The following DCC variants were observed in gnomAD, a reference collection of about 807,000 sequenced individuals.
DCC encodes netrin receptor DCC.
Under a neutral mutation model 172.5 loss-of-function variants are expected in DCC, and 58 were observed. That is an observed-to-expected ratio of 0.34 (90% CI 0.27 to 0.42). The LOEUF (loss-of-function observed/expected upper bound fraction) is 0.42. DCC is among the 10% of genes least tolerant of loss of function. The pLI is 1.00. For synonymous variants in DCC, 709 were observed against 644.5 expected, an observed-to-expected ratio of 1.10 and a Z score of -1.52; for missense variants, 1,740 against 1,791.0, an observed-to-expected ratio of 0.97 and a Z score of 0.51.
intron 14 of DCC, among the ~76,000 whole-genome samples, chr18:53,323,875 A>G (rs2057438462): frequency 6.6e-6 from 1 of 152,166 alleles, no homozygotes; most frequent in Non-Finnish European, 1.5e-5. Context: ...CTGTTTGGGG[A>G]CTGAAAAAGG....
chr18:53,499,415 C>A lies in DCC; in HGVS notation c.4016C>A (p.Thr1339Asn), dbSNP rs1190308230. 6.2e-7 allele frequency: 1 copy of A among 1,614,032 alleles called. No individual in the cohort carries two copies. Among genetic ancestry groups the A allele is most frequent in the Non-Finnish European group, 8.5e-7 (1 of 1,180,032 alleles). The change falls in exon 27 of 29, where the codon ACT becomes AAT. Residue 1339 changes from threonine to asparagine, a missense_variant. Coordinates refer to ENST00000442544, the MANE Select transcript of DCC (RefSeq NM_005215.4). The part of the protein sequence containing the change: ...RTIPTACVRP[T>N]HPLRSFANPL... Reference sequence around the variant, plus strand: ...ATCCCCACAGCTTGTGTTCGACCAACTCACCCACTCCGCAGCTTTGCTAAT... The same window carrying A: ...ATCCCCACAGCTTGTGTTCGACCAAATCACCCACTCCGCAGCTTTGCTAAT...
chr18:52,737,358 A>G (rs1055967458), intron 1 of DCC, among the ~76,000 whole-genome samples: 1 of 152,086 alleles, frequency 6.6e-6, no homozygotes, highest in Admixed American at 6.6e-5. Flanking sequence ...TTTAAAGCCA[A>G]TGAAAAAAAC....
chr18:52,479,470 A>AT (rs1442318036), intron 1 of DCC, among the ~76,000 whole-genome samples: 2 of 151,944 alleles, frequency 1.3e-5, no homozygotes, highest in African/African-American at 2.4e-5. Context: ...TCTTTGGACA[A>AT]TTAAAGCTAC....
chr18:53,512,006 G>A (rs1439416098), intron 27 of DCC, among the ~76,000 whole-genome samples: 1 of 152,170 alleles, frequency 6.6e-6, no homozygotes, highest in African/African-American at 2.4e-5. Flanking sequence ...CTCCACCTCT[G>A]GGGGCAGGGC....
intron 25 of DCC, among the ~76,000 whole-genome samples, chr18:53,474,396 T>C (rs906549225): frequency 6.6e-6 from 1 of 152,136 alleles, no homozygotes; most frequent in Non-Finnish European, 1.5e-5. Flanking sequence ...ATCAGTAAAA[T>C]AATCCATGGG....
At chr18:53,383,665 C>T (rs781550674) in intron 15 of DCC, among the ~76,000 whole-genome samples, 34 of 151,382 alleles carry the variant, frequency 2.2e-4, no homozygotes, top group Non-Finnish European at 3.2e-4. Context: ...TTATTGCTAC[C>T]GAGTCCAGGT....
intron 1 of DCC, among the ~76,000 whole-genome samples, chr18:52,641,273 A>G (rs1158729591): frequency 6.6e-6 from 1 of 152,212 alleles, no homozygotes; most frequent in Non-Finnish European, 1.5e-5. Context: ...ATAAGACAAC[A>G]TTGGAAAACC....
At chr18:52,751,275 A>G (rs542446372) in intron 1 of DCC, among the ~76,000 whole-genome samples, 1 of 152,364 alleles carries the variant, frequency 6.6e-6, no homozygotes, top group East Asian at 1.9e-4. Flanking sequence ...CAAATGCTAT[A>G]CTGCCAGCTT....
At chr18:53,240,407 T>C (rs1237562028) in intron 12 of DCC, among the ~76,000 whole-genome samples, 2 of 152,146 alleles carry the variant, frequency 1.3e-5, no homozygotes, top group Non-Finnish European at 2.9e-5. Context: ...ATAGTTACAA[T>C]AAATTTTATA....
At chr18:53,151,623 A>G (rs912743369) in intron 7 of DCC, among the ~76,000 whole-genome samples, 2 of 151,920 alleles carry the variant, frequency 1.3e-5, no homozygotes, top group African/African-American at 2.4e-5. Flanking sequence ...AAAGCATACA[A>G]TGTTATCTGG....
chr18:52,540,835 T>C (rs942924208), intron 1 of DCC, among the ~76,000 whole-genome samples: 2 of 152,032 alleles, frequency 1.3e-5, no homozygotes, highest in Non-Finnish European at 2.9e-5. Flanking sequence ...CTTGATCTCC[T>C]GACTTCGTGA....
intron 1 of DCC, among the ~76,000 whole-genome samples, chr18:52,516,700 T>G (rs1197593425): frequency 6.6e-6 from 1 of 152,262 alleles, no homozygotes; most frequent in Middle Eastern, 3.2e-3. Context: ...AAGGTCATTA[T>G]TGCCTTATTA....
rs533777896 is a variant in DCC at position 52,361,280 on chromosome 18, T to C, written c.91+20402T>C. On this transcript the variant is annotated intron_variant, in intron 1 of 28. Transcript: ENST00000442544. Reference sequence around the variant, plus strand: ...CAGAATAAACCACAATTTATTTGTTTTGTTCAGTCTTTTTTGTCTCTTTCT... The same window carrying C: ...CAGAATAAACCACAATTTATTTGTTCTGTTCAGTCTTTTTTGTCTCTTTCT... Among the ~76,000 whole-genome samples the C allele has an allele frequency of 6.1e-4, 93 of 152,378 alleles. 1 individual carries two copies. The highest frequency in any genetic ancestry group is 2.1e-3 in the African/African-American group (87 of 41,592).
chr18:52,917,731 C>T (rs2040062498), intron 3 of DCC, among the ~76,000 whole-genome samples: 1 of 152,144 alleles, frequency 6.6e-6, no homozygotes, highest in East Asian at 1.9e-4. Context: ...TTCCATACCA[C>T]CCTCTTGCTG....
In DCC at chr18:52,511,421, T is replaced by A. The variant is rs529279602; in HGVS notation, c.91+170543T>A. 2.0e-5 allele frequency among the ~76,000 whole-genome samples: 3 copies of A among 152,298 alleles called. No individual in the cohort carries two copies. In the South Asian group the frequency reaches 6.2e-4, roughly 32 times the overall value. ...TAGTCTCTCATTTAGTATTAATGCA[T>A]GTACCTCTTCGACGTGGAAAGGAAA... On this transcript the variant is annotated intron_variant, in intron 1 of 28. Coordinates refer to ENST00000442544, the MANE Select transcript of DCC (RefSeq NM_005215.4).
At chr18:52,920,820 C>T (rs2040113310) in intron 3 of DCC, among the ~76,000 whole-genome samples, 1 of 151,972 alleles carries the variant, frequency 6.6e-6, no homozygotes. Flanking sequence ...TACATCTAGA[C>T]AATGGATTAT....
chr18:52,684,125 A>G (rs1179738935), intron 1 of DCC, among the ~76,000 whole-genome samples: 1 of 152,118 alleles, frequency 6.6e-6, no homozygotes, highest in Non-Finnish European at 1.5e-5. Flanking sequence ...GTGTTCTTCC[A>G]ATTACCTCTG....
At chr18:53,209,819 A>G (rs2144563999) in intron 11 of DCC, among the ~76,000 whole-genome samples, 1 of 152,306 alleles carries the variant, frequency 6.6e-6, no homozygotes, top group Non-Finnish European at 1.5e-5. Flanking sequence ...GATTTCATTC[A>G]CTCTGAACTG....
At chr18:52,962,197 A>G (rs2040853226) in intron 5 of DCC, among the ~76,000 whole-genome samples, 2 of 151,250 alleles carry the variant, frequency 1.3e-5, no homozygotes, top group Non-Finnish European at 3.0e-5. Context: ...GAAAATTTTC[A>G]CAACCTACTT....
Sources: allele counts gnomAD v4.1 joint callset (sites outside exome capture counted in the v4.1 genomes callset), GRCh38; gene constraint gnomAD v4.1.1; transcripts MANE v1.5; gene names NCBI Gene and HGNC (gene_info 2026-07-23, HGNC 2026-07-21).